The following ADAMTS12 variants were observed in gnomAD, a reference collection of about 807,000 sequenced individuals.
The protein encoded by ADAMTS12 is A disintegrin and metalloproteinase with thrombospondin motifs 12.
A neutral mutation model predicts 167.8 loss-of-function variants in ADAMTS12; 118 were observed. That is an observed-to-expected ratio of 0.70 (90% CI 0.61 to 0.82). ADAMTS12 has a LOEUF of 0.82. Ranked by LOEUF, ADAMTS12 falls within the 40% of genes least tolerant of loss-of-function variation. The pLI, the probability that ADAMTS12 is intolerant of heterozygous loss-of-function variation, is 0.00. For missense variants in ADAMTS12, 1,916 were observed against 1,998.8 expected (o/e 0.96, Z 0.79); for synonymous variants, 704 against 716.9 (o/e 0.98, Z 0.29).
chr5:33,788,788 TAC>T (rs1746426886), intron 2 of ADAMTS12, among the ~76,000 whole-genome samples: 1 of 152,176 alleles, frequency 6.6e-6, no homozygotes, highest in Non-Finnish European at 1.5e-5. Context: ...ACTTGGCAGT[TAC>T]TAAAGCACAT....
At chr5:33,730,104 C>A (rs921773574) in intron 3 of ADAMTS12, among the ~76,000 whole-genome samples, 1 of 152,162 alleles carries the variant, frequency 6.6e-6, no homozygotes, top group Non-Finnish European at 1.5e-5. Flanking sequence ...ACTACCCACC[C>A]ACGGGTAGAA....
chr5:33,603,305 G>A (rs9292501), intron 16 of ADAMTS12: 84,539 of 152,024 alleles, frequency 0.56, 23,610 homozygotes, highest in Middle Eastern at 0.63. Flanking sequence ...TTTCTTATAA[G>A]GAGTCCTGAA....
At chr5:33,794,933 T>C (rs1388870416) in intron 2 of ADAMTS12, among the ~76,000 whole-genome samples, 1 of 152,186 alleles carries the variant, frequency 6.6e-6, no homozygotes, top group Non-Finnish European at 1.5e-5. Context: ...CCTAATGATG[T>C]CCTTTTTCTC....
At chr5:33,788,306 A>G (rs1481433834) in intron 2 of ADAMTS12, among the ~76,000 whole-genome samples, 2 of 152,060 alleles carry the variant, frequency 1.3e-5, no homozygotes, top group Non-Finnish European at 2.9e-5. Context: ...TGCCTGTCCA[A>G]TAAATACGCA....
intron 12 of ADAMTS12, among the ~76,000 whole-genome samples, chr5:33,632,009 G>A (rs1739965217): frequency 6.6e-6 from 1 of 152,134 alleles, no homozygotes; most frequent in African/African-American, 2.4e-5. Context: ...GATTCATGTG[G>A]CCAGGAAATG....
intron 6 of ADAMTS12, among the ~76,000 whole-genome samples, chr5:33,661,691 G>A (rs917730187): frequency 6.6e-5 from 10 of 152,218 alleles, no homozygotes; most frequent in African/African-American, 1.7e-4. Context: ...CATTTTGCCA[G>A]CAGATGCAGT....
intron 2 of ADAMTS12, among the ~76,000 whole-genome samples, chr5:33,756,684 G>T (rs1485309377): frequency 1.3e-5 from 2 of 152,114 alleles, no homozygotes; most frequent in African/African-American, 4.8e-5. Flanking sequence ...ATCAATTCAT[G>T]AAGATTTTGC....
At chr5:33,642,359 A>G (rs993045997) in intron 10 of ADAMTS12, among the ~76,000 whole-genome samples, 1 of 152,168 alleles carries the variant, frequency 6.6e-6, no homozygotes, top group Non-Finnish European at 1.5e-5. Context: ...TCTTGTTGCA[A>G]ACCACAATAG....
At chr5:33,792,391 G>A (rs1454655085) in intron 2 of ADAMTS12, among the ~76,000 whole-genome samples, 1 of 152,184 alleles carries the variant, frequency 6.6e-6, no homozygotes. Context: ...CACGTAACTG[G>A]CTCCCCTACT....
chr5:33,839,690 A>G (rs1478428507), intron 2 of ADAMTS12, among the ~76,000 whole-genome samples: 1 of 152,056 alleles, frequency 6.6e-6, no homozygotes, highest in Non-Finnish European at 1.5e-5. Context: ...AACTCCTCCC[A>G]CAACACAGTG....
chr5:33,854,480 A>G (rs1749331899), intron 2 of ADAMTS12, among the ~76,000 whole-genome samples: 2 of 152,084 alleles, frequency 1.3e-5, no homozygotes. Context: ...ATAATAGAGA[A>G]TCTGGCCTCT....
At position 33,651,093 on chromosome 5, in the gene ADAMTS12, A is replaced by G. The variant is rs546866168; in HGVS notation, c.1191-1396T>C. Among the ~76,000 whole-genome samples the G allele has an allele frequency of 5.9e-5, 9 of 152,344 alleles. No individual in the cohort carries two copies. The East Asian group carries it at 1.5e-3, about 26-fold the overall frequency. On this transcript the variant is annotated intron_variant, in intron 7 of 23. Transcript: ENST00000504830. ...CACAAAGGAGTCAGAGAATCAATGT[A>G]CAAAGCTCTTACCACACACCCACAA... is the stretch of plus-strand genomic sequence containing the variant.
At chr5:33,544,184 G>A (rs1048550454) in intron 22 of ADAMTS12, among the ~76,000 whole-genome samples, 4 of 152,174 alleles carry the variant, frequency 2.6e-5, no homozygotes, top group Admixed American at 2.0e-4. Flanking sequence ...CAGAATCAAT[G>A]TGCAAAAATC....
chr5:33,860,750 T>C (rs1749577588), intron 2 of ADAMTS12, among the ~76,000 whole-genome samples: 1 of 152,002 alleles, frequency 6.6e-6, no homozygotes, highest in South Asian at 2.1e-4. Flanking sequence ...TCAATCTTCA[T>C]TTTAACCTTA....
Position 33,834,558 on chromosome 5 carries a change from C to T in ADAMTS12, c.489+46561G>A, listed in dbSNP as rs868685865. 9.8e-5 allele frequency among the ~76,000 whole-genome samples: 15 copies of T among 152,302 alleles called. 1 individual carries two copies. Among genetic ancestry groups the T allele is most frequent in the Middle Eastern group, 6.8e-3 (2 of 294 alleles). On this transcript the variant is annotated intron_variant, in intron 2 of 23. Coordinates refer to ENST00000504830, the MANE Select transcript of ADAMTS12 (RefSeq NM_030955.4). The stretch of plus-strand genomic sequence containing the variant: ...TCAGGAACCCATGACCCTCTATGAA[C>T]TCTTAGCTTGCATTCCGAAAGGCCA...
intron 2 of ADAMTS12, among the ~76,000 whole-genome samples, chr5:33,763,202 G>A (rs1293054707): frequency 6.6e-6 from 1 of 152,148 alleles, no homozygotes; most frequent in African/African-American, 2.4e-5. Flanking sequence ...CTTAGCAGAA[G>A]GGAGTTTGCA....
rs748019320 is a variant in ADAMTS12 at position 33,891,803 on chromosome 5, G to T, written c.54C>A (p.Leu18=). 2 of 1,614,220 alleles carry T rather than the reference G, an allele frequency of 1.2e-6. No individual in the cohort carries two copies. The highest frequency in any genetic ancestry group is 1.7e-6 in the Non-Finnish European group (2 of 1,180,040). Residue 18 remains leucine (L), a synonymous_variant, in exon 1 of 24, where the codon CTC becomes CTA. Coordinates refer to ENST00000504830, the MANE Select transcript of ADAMTS12 (RefSeq NM_030955.4). ...WLANLSVVAQ[L]LNFGALCYGR... is the part of the protein sequence containing the mutation. The stretch of plus-strand genomic sequence containing the variant: ...CATAGCAAAGCGCCCCAAAGTTAAG[G>T]AGCTGAGCCACCACGGAAAGGTTTG...
rs1379369281 is a variant in ADAMTS12, at chr5:33,624,328, G to C, written c.2046C>G (p.Ile682Met). Residue 682 changes from isoleucine (I) to methionine (M), a missense_variant, in exon 14 of 24, where the codon ATC becomes ATG. Transcript: ENST00000504830. ...AGCGATCCTCGGTGGCATTGGAATC[G>C]ATCTCATAGTCACAGCCAACCATCT... ...ICKMVGCDYE[I>M]DSNATEDRCG... The C allele has an allele frequency of 1.2e-6, 2 of 1,613,862 alleles. No homozygotes were observed. Among genetic ancestry groups the C allele is most frequent in the Admixed American group, 1.7e-5 (1 of 60,002 alleles).
At chr5:33,666,561 C>A (rs778562298) in intron 5 of ADAMTS12, among the ~76,000 whole-genome samples, 15 of 151,994 alleles carry the variant, frequency 9.9e-5, no homozygotes, top group Non-Finnish European at 1.8e-4. Context: ...AGCACAAACT[C>A]AGCTCACTGC....
Sources: allele counts gnomAD v4.1 joint callset (sites outside exome capture counted in the v4.1 genomes callset), GRCh38; gene constraint gnomAD v4.1.1; transcripts MANE v1.5; gene names NCBI Gene and HGNC (gene_info 2026-07-23, HGNC 2026-07-21).